LDHA: variants seen among roughly 807,000 people sequenced by gnomAD.
LDHA encodes lactate dehydrogenase A.
In LDHA, 10 loss-of-function variants were observed where a neutral mutation model predicts 36.3. The ratio of observed to expected loss-of-function variants is 0.28; its 90% CI spans 0.17 to 0.47. LDHA has a LOEUF of 0.47. Among genes scored for constraint, LDHA ranks in the 20% least tolerant of loss-of-function variants. LDHA has a pLI of 0.99. For missense variants in LDHA, 267 were observed against 405.8 expected, an observed-to-expected ratio of 0.66 and a Z score of 2.94; for synonymous variants, 110 against 136.7, an observed-to-expected ratio of 0.80 and a Z score of 1.36.
chr11:18,401,261 T>A (rs538035362), intron 4 of LDHA, among the ~76,000 whole-genome samples: 4 of 150,370 alleles, frequency 2.7e-5, no homozygotes, highest in Non-Finnish European at 5.9e-5. Flanking sequence ...GCGATTCTTT[T>A]GCCTCAGCCT....
chr11:18,405,298 T>A (rs1866646305), intron 6 of LDHA, 151 bp from the exon 7 acceptor site: 2 of 770,246 alleles, frequency 2.6e-6, no homozygotes, highest in Admixed American at 3.9e-5. Flanking sequence ...GTACATAATA[T>A]CCTAGCATAC....
At chr11:18,396,116 G>C (rs1442025396) in intron 1 of LDHA, 1 of 161,534 alleles carries the variant, frequency 6.2e-6, no homozygotes, top group Non-Finnish European at 1.3e-5. Context: ...GATTGCCTCT[G>C]CTTACGGGCG....
chr11:18,397,100 C>G lies in LDHA; in HGVS notation c.126+132C>G, dbSNP rs191748190. 1.3e-4 allele frequency: 102 copies of G among 797,922 alleles called. No homozygotes were observed. In the African/African-American group the frequency reaches 1.4e-3, roughly 11 times the overall value. The allele number at this position is 797,922 out of a possible 1,614,324, so 49.4% of individuals were successfully genotyped here. A position where few individuals can be genotyped will look rare whatever the true frequency, so the allele number is the denominator to read the frequency against. On this transcript the variant is annotated intron_variant, in intron 2 of 7. Coordinates refer to ENST00000422447, the MANE Select transcript of LDHA (RefSeq NM_005566.4). ...TTTATGCACTCATTCGGATAACTTT[C>G]TGTGAAACAAACTTTTGAAATATGA...
intron 3 of LDHA, 76 bp downstream of exon 3, chr11:18,399,624 T>C (rs1250956125): frequency 9.1e-7 from 1 of 1,099,144 alleles, no homozygotes; most frequent in Non-Finnish European, 1.4e-6. Context: ...ATTTGTTGCT[T>C]AGGGTAGAGT....
At chr11:18,401,955 CTTTTTTTTTTTT>C (rs1554961218) in intron 4 of LDHA, among the ~76,000 whole-genome samples, 1 of 52,256 alleles carries the variant, frequency 1.9e-5, no homozygotes, top group South Asian at 9.4e-4. Flanking sequence ...TTGTTATTCT[CTTTTTTTTTTTT>C]TTTTTTTTTG....
At chr11:18,397,048 A>G in intron 2 of LDHA, 80 bp downstream of exon 2, 6 of 1,227,074 alleles carry the variant, frequency 4.9e-6, no homozygotes, top group African/African-American at 1.5e-5. Context: ...GAACTGTATT[A>G]TTACATTTCA....
At chr11:18,405,345 T>C (rs1866648161) in intron 6 of LDHA, 104 bp from the exon 7 acceptor site, 1 of 1,133,344 alleles carries the variant, frequency 8.8e-7, no homozygotes, top group Non-Finnish European at 1.3e-6. Context: ...AATGCAACAT[T>C]GTGGCATTAT....
chr11:18,403,881 G>T, intron 6 of LDHA, 70 bp downstream of exon 6: 2 of 941,712 alleles, frequency 2.1e-6, no homozygotes, highest in Non-Finnish European at 1.7e-6. Context: ...GGTTAAAATT[G>T]TAATAGTATT....
At chr11:18,400,399 G>T in intron 3 of LDHA, 1 of 275,836 alleles carries the variant, frequency 3.6e-6, no homozygotes, top group East Asian at 9.4e-5. Flanking sequence ...AGCTGTCTCT[G>T]CTTAAAAACA....
chr11:18,407,052 G>A lies in LDHA; in HGVS notation c.835-65G>A, dbSNP rs964994623. 7.8e-6 allele frequency: 10 copies of A among 1,278,924 alleles called. No individual in the cohort carries two copies. The African/African-American group carries it at 1.5e-4, about 19-fold the overall frequency. The allele number at this position is 1,278,924 out of a possible 1,614,324, so 79.2% of individuals were successfully genotyped here. A position where few individuals can be genotyped will look rare whatever the true frequency, so the allele number is the denominator to read the frequency against. On this transcript the variant is annotated intron_variant, in intron 7 of 7. Coordinates refer to ENST00000422447, the MANE Select transcript of LDHA (RefSeq NM_005566.4). Reference sequence around the variant, plus strand: ...AGCTTTATAATTATAGAGACTGTAAGTCTTGGGAAACCTGGGAATGCATAG... The same window carrying A: ...AGCTTTATAATTATAGAGACTGTAAATCTTGGGAAACCTGGGAATGCATAG...
At chr11:18,406,438 C>A (rs1290950188) in intron 7 of LDHA, among the ~76,000 whole-genome samples, 2 of 51,922 alleles carry the variant, frequency 3.9e-5, no homozygotes, top group Non-Finnish European at 1.0e-4. Flanking sequence ...AAAAAAAAGG[C>A]CATGTGCGGG....
chr11:18,400,582 T>G (rs1461910068), intron 3 of LDHA: 1 of 517,650 alleles, frequency 1.9e-6, no homozygotes, highest in Non-Finnish European at 3.6e-6. Flanking sequence ...TTTGAGGATA[T>G]GTAAGAAATT....
At position 18,405,592 on chromosome 11, in the gene LDHA, C is replaced by A; in HGVS notation, c.834+20C>A. On this transcript the variant is annotated intron_variant, in intron 7 of 7. Transcript: ENST00000422447. ...ATTAAGGTAGGTCTATGTAGTGATACGCTGCATTTGAATGCTTTTTGCTGG... is the reference window on the plus strand; with the variant it reads ...ATTAAGGTAGGTCTATGTAGTGATAAGCTGCATTTGAATGCTTTTTGCTGG... The A allele has an allele frequency of 6.2e-7, 1 of 1,612,528 alleles. No individual in the cohort carries two copies. Among genetic ancestry groups the A allele is most frequent in the Non-Finnish European group, 8.5e-7 (1 of 1,178,868 alleles).
At chr11:18,406,414 TAAAAA>T (rs532942664) in intron 7 of LDHA, among the ~76,000 whole-genome samples, 78 of 97,180 alleles carry the variant, frequency 8.0e-4, no homozygotes, top group African/African-American at 1.7e-3. Flanking sequence ...TTGCCTCTGT[TAAAAA>T]AAAAAAAAAA....
chr11:18,403,358 TTA>T (rs1210985146), intron 5 of LDHA, among the ~76,000 whole-genome samples: 1 of 152,136 alleles, frequency 6.6e-6, no homozygotes, highest in Non-Finnish European at 1.5e-5. Context: ...TGCACAAAAG[TTA>T]TATTATCACA....
chr11:18,400,811 C>T, intron 3 of LDHA, 26 bp from the exon 4 acceptor site: 3 of 1,601,422 alleles, frequency 1.9e-6, no homozygotes, highest in Non-Finnish European at 2.6e-6. Flanking sequence ...AGGCCTTAAT[C>T]TGGTCATTAT....
At position 18,399,411 on chromosome 11, in the gene LDHA, A is replaced by G. The variant is rs1866404138; in HGVS notation, c.127-20A>G. The G allele has an allele frequency of 1.3e-6, 2 of 1,549,228 alleles. No homozygotes were observed. The highest frequency in any genetic ancestry group is 1.4e-5 in the African/African-American group (1 of 73,674). On this transcript the variant is annotated intron_variant, in intron 2 of 7. Coordinates refer to ENST00000422447, the MANE Select transcript of LDHA (RefSeq NM_005566.4). ...AGAAGTGGCAATTTTCCATTTAACTAAAGATTTGATGTCTTTTAGGACTTG... is the reference window on the plus strand; with the variant it reads ...AGAAGTGGCAATTTTCCATTTAACTGAAGATTTGATGTCTTTTAGGACTTG...
rs375339263 is a variant in LDHA, at chr11:18,396,849, A to G, written c.7A>G (p.Thr3Ala). The change falls in exon 2 of 8, where the codon ACT (threonine) becomes GCT (alanine). Residue 3 changes from threonine (T) to alanine (A), a missense_variant. Physicochemically the swap from Thr to Ala is moderately conservative, Grantham distance 58. Transcript: ENST00000422447. MATLKDQLIYNLL... is the reference protein window; with the variant it reads MAALKDQLIYNLL... ...TTTTGGTTCCAAGTCCAATATGGCAACTCTAAAGGATCAGCTGATTTATAA... is the reference window on the plus strand; with the variant it reads ...TTTTGGTTCCAAGTCCAATATGGCAGCTCTAAAGGATCAGCTGATTTATAA... 2.5e-6 allele frequency: 4 copies of G among 1,612,236 alleles called. No homozygotes were observed. The highest frequency in any genetic ancestry group is 1.7e-5 in the Admixed American group (1 of 59,778).
Position 18,405,572 on chromosome 11 carries a change from G to A in LDHA, c.834G>A (p.Lys278=), listed in dbSNP as rs1866655442. The change falls in exon 7 of 8, where the codon AAG becomes AAA. Residue 278 remains lysine (K), a splice_region_variant and synonymous_variant. Transcript: ENST00000422447. ...TGCACCCAGTTTCCACCATGATTAA[G>A]GTAGGTCTATGTAGTGATACGCTGC... ...RRVHPVSTMI[K]GLYGIKDDVF... is the part of the protein sequence containing the mutation. 40 of 1,613,706 alleles carry A rather than the reference G, an allele frequency of 2.5e-5. No homozygotes were observed. In the East Asian group the frequency reaches 8.7e-4, roughly 35 times the overall value.
Sources: gnomAD v4.1 joint callset for allele counts (sites outside exome capture counted in the v4.1 genomes callset) on GRCh38, gnomAD v4.1.1 for gene constraint, MANE v1.5 for transcripts, NCBI Gene and HGNC (gene_info 2026-07-23, HGNC 2026-07-21) for gene names.